Variants in ACOX3 observed in about 807,000 individuals in gnomAD.
ACOX3 encodes peroxisomal acyl-coenzyme A oxidase 3.
In ACOX3, 73 loss-of-function variants were observed where a neutral mutation model predicts 81.5. The observed-to-expected ratio is 0.90, with a 90% CI of 0.74 to 1.09. The LOEUF (loss-of-function observed/expected upper bound fraction) is 1.09. Ranked by LOEUF, ACOX3 falls within the 50% of genes least tolerant of loss-of-function variation. The pLI is 0.00. For missense variants in ACOX3, 947 were observed against 928.0 expected (o/e 1.02, Z -0.27); for synonymous variants, 387 against 375.1 (o/e 1.03, Z -0.37).
At chr4:8,367,192 A>G in intron 17 of ACOX3, 112 bp from the exon 18 acceptor site, 1 of 1,427,716 alleles carries the variant, frequency 7.0e-7, no homozygotes, top group South Asian at 1.3e-5. Flanking sequence ...AAAACACAGG[A>G]AATTCGGCTG....
chr4:8,426,373 G>A (rs1004338451), intron 1 of ACOX3, among the ~76,000 whole-genome samples: 1 of 151,938 alleles, frequency 6.6e-6, no homozygotes, highest in African/African-American at 2.4e-5. Flanking sequence ...ATCAAACCCT[G>A]GATACCGCCA....
Position 8,389,406 on chromosome 4 carries a change from C to G in ACOX3, c.1424-120G>C. ...AGAGGACCCGACGGCCACAGACCCA[C>G]AGGCGAGGGTCTGGGTCTCAAGGAC... On this transcript the variant is annotated intron_variant, in intron 12 of 17. Transcript: ENST00000356406. This position sits in a 1 kb window ranked among gnomAD's most constrained non-coding sequence, Gnocchi z 5.3. 7.9e-7 allele frequency: 1 copy of G among 1,272,474 alleles called. No individual in the cohort carries two copies. The highest frequency in any genetic ancestry group is 1.1e-6 in the Non-Finnish European group (1 of 918,190). The allele number at this position is 1,272,474 out of a possible 1,614,324, so 78.8% of individuals were successfully genotyped here.
rs748840407 is a variant in ACOX3, at chr4:8,394,743, C to T, written c.1057-1G>A. The stretch of plus-strand genomic sequence containing the variant: ...CCAGATATGGAAGCAAGCGCCATTG[C>T]TAGAACAGACAAGACACCTGCGTGA... On this transcript the variant is annotated splice_acceptor_variant, in intron 9 of 17. Coordinates refer to ENST00000356406, the MANE Select transcript of ACOX3 (RefSeq NM_003501.3). LOFTEE classifies it high-confidence loss of function. This position sits in a 1 kb window ranked among gnomAD's most constrained non-coding sequence, Gnocchi z 5.9. The T allele has an allele frequency of 3.7e-6, 6 of 1,612,528 alleles. No homozygotes were observed. In the Admixed American group the frequency reaches 5.0e-5, roughly 13 times the overall value.
chr4:8,409,647 T>G (rs1328963411), intron 6 of ACOX3, among the ~76,000 whole-genome samples: 3 of 150,736 alleles, frequency 2.0e-5, no homozygotes, highest in Non-Finnish European at 4.4e-5. Context: ...GGCAGGGCTG[T>G]CTGTGCACTG....
intron 1 of ACOX3, 28 bp downstream of exon 1, chr4:8,440,620 G>C: frequency 1.8e-6 from 1 of 568,592 alleles, no homozygotes; most frequent in Non-Finnish European, 2.8e-6. Flanking sequence ...CTCTCAAAAG[G>C]GAATAAAACA....
chr4:8,435,491 G>A lies in ACOX3; in HGVS notation c.-15+5157C>T, dbSNP rs1027173129. 2.5e-4 allele frequency among the ~76,000 whole-genome samples: 38 copies of A among 150,256 alleles called. 1 individual carries two copies. The highest frequency in any genetic ancestry group is 2.2e-4 in the African/African-American group (9 of 40,776). ...AGCCTGGGCAACAGAGCGAGACTCCGTCTCAAAAAAAAGAAAAAAAAAAAA... is the reference window on the plus strand; with the variant it reads ...AGCCTGGGCAACAGAGCGAGACTCCATCTCAAAAAAAAGAAAAAAAAAAAA... On this transcript the variant is annotated intron_variant, in intron 1 of 17. Transcript: ENST00000356406.
In ACOX3 at chr4:8,384,005, C is replaced by T. The variant is rs1416866224; in HGVS notation, c.1538-2398G>A. ...CCCCCGTGTCCCACCACGCATCAGC[C>T]ATGGCTGGGCTTCCCTCCCAGCCTG... On this transcript the variant is annotated intron_variant, in intron 13 of 17. Transcript: ENST00000356406. This position sits in a 1 kb window ranked among gnomAD's most constrained non-coding sequence, Gnocchi z 5.3. Among the ~76,000 whole-genome samples, 1 of 152,254 alleles carries T rather than the reference C, an allele frequency of 6.6e-6. No homozygotes were observed. The highest frequency in any genetic ancestry group is 1.5e-5 in the Non-Finnish European group (1 of 68,050).
At chr4:8,380,232 C>T (rs752593457) in intron 14 of ACOX3, among the ~76,000 whole-genome samples, 43 of 150,244 alleles carry the variant, frequency 2.9e-4, no homozygotes, top group Non-Finnish European at 5.0e-4. Context: ...CTCTGTCACC[C>T]AAGCTGGAGT....
chr4:8,362,099 G>A (rs1161873253), downstream of ACOX3, among the ~76,000 whole-genome samples: 1 of 152,074 alleles, frequency 6.6e-6, no homozygotes, highest in Non-Finnish European at 1.5e-5. Flanking sequence ...CTTTTTAGAA[G>A]GTGGTTTATA....
At chr4:8,375,304 G>A (rs1716803039) in intron 14 of ACOX3, 152 bp from the exon 15 acceptor site, 2 of 765,556 alleles carry the variant, frequency 2.6e-6, no homozygotes, top group Non-Finnish European at 4.1e-6. Flanking sequence ...CACAGATGCG[G>A]CGCAGCACGA....
intron 16 of ACOX3, 137 bp downstream of exon 16, chr4:8,373,424 G>A: frequency 2.3e-6 from 2 of 859,872 alleles, no homozygotes; most frequent in South Asian, 3.2e-5. Context: ...GGCTCTGGGT[G>A]ACGCTAAGGG....
intron 1 of ACOX3, among the ~76,000 whole-genome samples, chr4:8,436,835 C>T (rs1451751340): frequency 6.8e-6 from 1 of 146,562 alleles, no homozygotes; most frequent in Admixed American, 6.8e-5. Flanking sequence ...AAAAAAAACA[C>T]AAAAAAATTA....
In ACOX3 at chr4:8,384,471, C is replaced by T. The variant is rs567291023; in HGVS notation, c.1538-2864G>A. Among the ~76,000 whole-genome samples the T allele has an allele frequency of 3.3e-5, 5 of 152,300 alleles. No homozygotes were observed. In the East Asian group the frequency reaches 7.7e-4, roughly 24 times the overall value. ...CTCTTGCTCGGAATGCGGCTGCTGGCGGCCTGAGGACACACCCAGCGTCAA... is the reference window on the plus strand; with the variant it reads ...CTCTTGCTCGGAATGCGGCTGCTGGTGGCCTGAGGACACACCCAGCGTCAA... On this transcript the variant is annotated intron_variant, in intron 13 of 17. Coordinates refer to ENST00000356406, the MANE Select transcript of ACOX3 (RefSeq NM_003501.3). This position sits in a 1 kb window ranked among gnomAD's most constrained non-coding sequence, Gnocchi z 5.3.
chr4:8,435,889 C>T (rs907747126), intron 1 of ACOX3, among the ~76,000 whole-genome samples: 7 of 152,040 alleles, frequency 4.6e-5, no homozygotes, highest in Non-Finnish European at 7.4e-5. Flanking sequence ...CCCTGAGAAA[C>T]GAGATTAAGG....
Position 8,406,026 on chromosome 4 carries a change from G to T in ACOX3, c.705C>A (p.Thr235=). 1 of 1,614,126 alleles carries T rather than the reference G, an allele frequency of 6.2e-7. No individual in the cohort carries two copies. Among genetic ancestry groups the T allele is most frequent in the South Asian group, 1.1e-5 (1 of 91,084 alleles). ...PFIVQIRDPK[T]LLPMPGVMVG... ...CCATCACTCCAGGCATGGGAAGAAG[G>T]GTCTTCGGGTCCCGGATCTATACAA... Residue 235 remains threonine (T), a synonymous_variant, in exon 7 of 18, where the codon ACC becomes ACA. Transcript: ENST00000356406. The surrounding 1 kb of genome is among the most constrained non-coding windows in gnomAD (Gnocchi z 5.6).
rs747774510 is a variant in ACOX3, at chr4:8,414,953, A to G, written c.379-25T>C. On this transcript the variant is annotated intron_variant, in intron 3 of 17. Transcript: ENST00000356406. This position sits in a 1 kb window ranked among gnomAD's most constrained non-coding sequence, Gnocchi z 6.1. ...CCTGAAAGTATAACATCGTCCTATCAACAGGGGGCAGGTAAGAAGAGTACT... is the reference window on the plus strand; with the variant it reads ...CCTGAAAGTATAACATCGTCCTATCGACAGGGGGCAGGTAAGAAGAGTACT... 5 of 1,610,020 alleles carry G rather than the reference A, an allele frequency of 3.1e-6. No individual in the cohort carries two copies. The South Asian group carries it at 4.4e-5, about 14-fold the overall frequency.
Position 8,394,471 on chromosome 4 carries a change from A to C in ACOX3, c.1179+149T>G. ...GCCCGTTCAATCGCGGCAGAGGCCA[A>C]GAGCTCCGAGTGGGTGGGAACAACT... On this transcript the variant is annotated intron_variant, in intron 10 of 17. Transcript: ENST00000356406. This position sits in a 1 kb window ranked among gnomAD's most constrained non-coding sequence, Gnocchi z 5.9. 46 of 1,275,750 alleles carry C rather than the reference A, an allele frequency of 3.6e-5. No homozygotes were observed. Among genetic ancestry groups the C allele is most frequent in the Non-Finnish European group, 4.3e-5 (41 of 955,130 alleles). The allele number at this position is 1,275,750 out of a possible 1,614,324, so 79.0% of individuals were successfully genotyped here.
chr4:8,416,430 C>T lies in ACOX3; in HGVS notation c.92G>A (p.Ser31Asn), dbSNP rs759287029. The T allele has an allele frequency of 6.8e-6, 11 of 1,614,218 alleles. No homozygotes were observed. In the East Asian group the frequency reaches 2.5e-4, roughly 36 times the overall value. The change falls in exon 2 of 18, where the codon AGC (serine) becomes AAC (asparagine). Residue 31 changes from serine (S) to asparagine (N), a missense_variant. Ser to Asn is a conservative substitution (Grantham distance 46). Transcript: ENST00000356406. This position sits in a 1 kb window ranked among gnomAD's most constrained non-coding sequence, Gnocchi z 4.2. The part of the protein sequence containing the change: ...LDAYRARASF[S>N]WKELALFTEG... The stretch of plus-strand genomic sequence containing the variant: ...CGTGAACAGCGCCAGCTCCTTCCAG[C>T]TGAAGGACGCTCTTGCTCGGTAGGC...
downstream of ACOX3, among the ~76,000 whole-genome samples, chr4:8,361,462 T>C (rs562462546): frequency 2.5e-3 from 270 of 107,482 alleles, 2 homozygotes; most frequent in African/African-American, 7.0e-3. Flanking sequence ...AAAAAAGGAT[T>C]GTTTTAAATT....
Sources: gnomAD v4.1 joint callset for allele counts (sites outside exome capture counted in the v4.1 genomes callset) on GRCh38, gnomAD v4.1.1 for gene constraint, Gnocchi (gnomAD v3.1) non-coding constraint, MANE v1.5 for transcripts, NCBI Gene and HGNC (gene_info 2026-07-23, HGNC 2026-07-21) for gene names.